CMIP: variants seen among roughly 807,000 people sequenced by gnomAD.
CMIP encodes the protein c-Maf inducing protein.
CMIP carries 13 observed loss-of-function variants against 97.3 expected under a neutral mutation model. That is an observed-to-expected ratio of 0.13 (90% CI 0.09 to 0.21). The LOEUF (loss-of-function observed/expected upper bound fraction) is 0.21. Among genes scored for constraint, CMIP ranks in the 10% least tolerant of loss-of-function variants. The probability of loss-of-function intolerance (pLI) is 1.00; values close to 1 mark genes in which losing one functional copy is unlikely to be tolerated. For missense variants in CMIP, 847 were observed against 1,024.9 expected, an observed-to-expected ratio of 0.83 and a Z score of 2.37; for synonymous variants, 538 against 436.3, an observed-to-expected ratio of 1.23 and a Z score of -2.91.
In CMIP at chr16:81,664,362, G is replaced by A; in HGVS notation, c.825+13G>A. On this transcript the variant is annotated intron_variant, in intron 7 of 20. Transcript: ENST00000537098. Reference sequence around the variant, plus strand: ...CAAGCATAACATGGTGAGTCACCCTGCCCCAACACCCAGACCCCAGCGCCC... The same window carrying A: ...CAAGCATAACATGGTGAGTCACCCTACCCCAACACCCAGACCCCAGCGCCC... 1.3e-6 allele frequency: 2 copies of A among 1,580,854 alleles called. No homozygotes were observed. The highest frequency in any genetic ancestry group is 1.7e-6 in the Non-Finnish European group (2 of 1,164,356).
At chr16:81,514,797 T>C (rs930325555) in intron 1 of CMIP, among the ~76,000 whole-genome samples, 8 of 152,144 alleles carry the variant, frequency 5.3e-5, no homozygotes, top group African/African-American at 1.9e-4. Context: ...GAAGATTAAG[T>C]GACTTAATAC....
intron 3 of CMIP, chr16:81,651,473 C>T (rs369391341): frequency 9.0e-5 from 64 of 709,062 alleles, no homozygotes; most frequent in Non-Finnish European, 1.0e-4. Context: ...CGGAGGGCAG[C>T]GCTGGATTTC....
intron 14 of CMIP, 117 bp from the exon 15 acceptor site, chr16:81,699,568 G>A: frequency 3.1e-6 from 2 of 654,462 alleles, no homozygotes; most frequent in East Asian, 2.9e-5. Context: ...ACACCTGGCT[G>A]TCTGGACAGC....
intron 1 of CMIP, among the ~76,000 whole-genome samples, chr16:81,601,367 G>A (rs2091654435): frequency 6.6e-6 from 1 of 152,164 alleles, no homozygotes; most frequent in Non-Finnish European, 1.5e-5. Flanking sequence ...AAGGGAAGGC[G>A]AAGGCTAGGT....
chr16:81,515,362 A>G (rs545018420), intron 1 of CMIP, among the ~76,000 whole-genome samples: 2 of 152,302 alleles, frequency 1.3e-5, no homozygotes, highest in South Asian at 2.1e-4. Flanking sequence ...TTCTAGATGG[A>G]AAAACACAAG....
At chr16:81,626,362 T>C (rs948164255) in intron 3 of CMIP, among the ~76,000 whole-genome samples, 5 of 148,486 alleles carry the variant, frequency 3.4e-5, no homozygotes, top group Non-Finnish European at 4.5e-5. Context: ...GGTGACTGTT[T>C]TGAGTATGTG....
intron 1 of CMIP, among the ~76,000 whole-genome samples, chr16:81,492,416 C>A (rs142697768): frequency 1.2e-4 from 18 of 152,326 alleles, no homozygotes; most frequent in African/African-American, 3.6e-4. Context: ...GTCCCTCTGT[C>A]CGTGGCCACT....
intron 1 of CMIP, among the ~76,000 whole-genome samples, chr16:81,485,944 T>C (rs961174238): frequency 6.6e-6 from 1 of 152,058 alleles, no homozygotes; most frequent in African/African-American, 2.4e-5. Flanking sequence ...CCCGAATGAG[T>C]CACTCAGGCG....
At chr16:81,671,390 A>T (rs1597227655) in intron 8 of CMIP, among the ~76,000 whole-genome samples, 1 of 152,378 alleles carries the variant, frequency 6.6e-6, no homozygotes, top group African/African-American at 2.4e-5. Flanking sequence ...AAAATAGCCA[A>T]GACAAGTAAT....
chr16:81,592,475 T>G (rs1341372662), intron 1 of CMIP, among the ~76,000 whole-genome samples: 1 of 152,152 alleles, frequency 6.6e-6, no homozygotes, highest in Non-Finnish European at 1.5e-5. Flanking sequence ...AGGGTGCCCC[T>G]CCCTCCTGTC....
At chr16:81,528,926 T>C (rs144630804) in intron 1 of CMIP, among the ~76,000 whole-genome samples, 1 of 152,264 alleles carries the variant, frequency 6.6e-6, no homozygotes, top group East Asian at 1.9e-4. Flanking sequence ...CTTCAGTTTG[T>C]TTGCCTACCA....
chr16:81,500,268 T>TTCCTTCCG (rs1352025509), intron 1 of CMIP, among the ~76,000 whole-genome samples: 28 of 118,588 alleles, frequency 2.4e-4, no homozygotes, highest in South Asian at 1.2e-3. Context: ...CCTTCCTTCC[T>TTCCTTCCG]TCCGTCCTTC....
rs1229987012 is a variant in CMIP, at chr16:81,669,509, A to ACACCTCCACACCCACCTCT, written c.826-629_826-611dup. Among the ~76,000 whole-genome samples, 293 of 99,938 alleles carry ACACCTCCACACCCACCTCT rather than the reference A, an allele frequency of 2.9e-3. 5 individuals carry two copies. Among genetic ancestry groups the ACACCTCCACACCCACCTCT allele is most frequent in the African/African-American group, 0.012 (277 of 22,946 alleles). 65.6% of individuals were successfully genotyped at this position (99,938 alleles called of 152,430 possible). A position where few individuals can be genotyped will look rare whatever the true frequency, so the allele number is the denominator to read the frequency against. ...TCTCACCTCCTTCCACATCCACCTC[A>ACACCTCCACACCCACCTCT]CACCTCCACACCCACCTCTCACACT... On this transcript the variant is annotated intron_variant, in intron 7 of 20. Transcript: ENST00000537098.
At chr16:81,541,891 A>G (rs1394718162) in intron 1 of CMIP, among the ~76,000 whole-genome samples, 1 of 152,172 alleles carries the variant, frequency 6.6e-6, no homozygotes, top group African/African-American at 2.4e-5. Context: ...GAGAACATAT[A>G]CACCTTTACA....
In CMIP at chr16:81,453,075, C is replaced by T. The variant is rs1906333815; in HGVS notation, c.300+7534C>T. On this transcript the variant is annotated intron_variant, in intron 1 of 20. Transcript: ENST00000537098. This position sits in a 1 kb window ranked among gnomAD's most constrained non-coding sequence, Gnocchi z 4.0. ...AACACACTAGTGCTCTGATTCACCT[C>T]TGGTTTTGCCAGCGAGGAAGGGGTG... Among the ~76,000 whole-genome samples, 1 of 152,082 alleles carries T rather than the reference C, an allele frequency of 6.6e-6. No homozygotes were observed. Among genetic ancestry groups the T allele is most frequent in the Admixed American group, 6.5e-5 (1 of 15,272 alleles).
intron 1 of CMIP, among the ~76,000 whole-genome samples, chr16:81,560,197 G>A (rs1193007250): frequency 8.1e-6 from 1 of 124,220 alleles, no homozygotes; most frequent in Non-Finnish European, 1.8e-5. Flanking sequence ...TTTTGGTTTT[G>A]TTTTGTTTTG....
intron 1 of CMIP, among the ~76,000 whole-genome samples, chr16:81,448,805 G>T (rs1236297129): frequency 6.6e-6 from 1 of 152,238 alleles, no homozygotes; most frequent in African/African-American, 2.4e-5. Context: ...CCTCCCTTGG[G>T]GACCCAGGAC....
chr16:81,490,694 G>A (rs75845273), intron 1 of CMIP, among the ~76,000 whole-genome samples: 2,188 of 152,300 alleles, frequency 0.014, 53 homozygotes, highest in African/African-American at 0.05. Context: ...CAGGGCAAAG[G>A]GAGCAGGTGT....
chr16:81,457,563 A>G (rs1052046857), intron 1 of CMIP, among the ~76,000 whole-genome samples: 14 of 152,306 alleles, frequency 9.2e-5, no homozygotes, highest in South Asian at 2.1e-4. Flanking sequence ...CACAGTTGTA[A>G]CAACCCGTGA....
Sources: allele counts gnomAD v4.1 joint callset (sites outside exome capture counted in the v4.1 genomes callset), GRCh38; gene constraint gnomAD v4.1.1; non-coding constraint Gnocchi (gnomAD v3.1); transcripts MANE v1.5; gene names NCBI Gene and HGNC (gene_info 2026-07-23, HGNC 2026-07-21).